The following ARMCX4 variants were observed in gnomAD, a reference collection of about 807,000 sequenced individuals.
ARMCX4 encodes armadillo repeat-containing X-linked protein 4.
Under a neutral mutation model 34.7 loss-of-function variants are expected in ARMCX4, and 3 were observed. That is an observed-to-expected ratio of 0.09 (90% confidence interval 0.04 to 0.22). ARMCX4 has a LOEUF of 0.22. Ranked by LOEUF, ARMCX4 falls within the 10% of genes least tolerant of loss-of-function variation. ARMCX4 has a pLI of 1.00. For missense variants in ARMCX4, 1,448 were observed against 1,720.8 expected (o/e 0.84, Z 2.81); for synonymous variants, 513 against 632.8 (o/e 0.81, Z 2.84).
At chrX:101,433,287 TATAC>T (rs1410510009) in intron 2 of ARMCX4, among the ~76,000 whole-genome samples, 3 of 105,274 alleles carry the variant, frequency 2.8e-5, no homozygotes, top group African/African-American at 3.4e-5. Flanking sequence ...TACGTACACA[TATAC>T]ATATATGTAC....
intron 4 of ARMCX4, among the ~76,000 whole-genome samples, chrX:101,456,447 G>A (rs782445400): frequency 1.3e-4 from 15 of 111,492 alleles, no homozygotes; most frequent in African/African-American, 4.2e-4. Flanking sequence ...TCATCTATTT[G>A]CTGGCCTCAT....
downstream of ARMCX4, among the ~76,000 whole-genome samples, chrX:101,499,945 C>T (rs1380441052): frequency 3.6e-5 from 4 of 111,890 alleles, no homozygotes; most frequent in Non-Finnish European, 7.5e-5. Flanking sequence ...AGCTTTTGAT[C>T]CACAATACAT....
intron 7 of ARMCX4, among the ~76,000 whole-genome samples, chrX:101,504,386 C>T (rs1191965822): frequency 1.8e-5 from 2 of 110,612 alleles, no homozygotes; most frequent in Non-Finnish European, 3.8e-5. Flanking sequence ...GCAGTATGGC[C>T]ATTTTCACGA....
intron 11 of ARMCX4, among the ~76,000 whole-genome samples, chrX:101,531,141 C>A (rs1935120542): frequency 8.9e-6 from 1 of 111,854 alleles, no homozygotes; most frequent in African/African-American, 3.2e-5. Flanking sequence ...TGTTTCACTG[C>A]CTGATTCTAT....
At chrX:101,463,299 G>C (rs1932701849) in intron 4 of ARMCX4, among the ~76,000 whole-genome samples, 1 of 111,164 alleles carries the variant, frequency 9.0e-6, no homozygotes, top group African/African-American at 3.3e-5. Context: ...CCACCCAAGA[G>C]AACTATGCAC....
rs190076141 is a variant in ARMCX4 at position 101,453,052 on chromosome X, G to A, written c.-473+7008G>A. On this transcript the variant is annotated intron_variant and NMD_transcript_variant, in intron 4 of 15. Transcript: ENST00000433011. Reference sequence around the variant, plus strand: ...AGATAAGGAGATGAACAGTTAGAACGGTTAGATAGTTTTTTTTAGGATCAC... The same window carrying A: ...AGATAAGGAGATGAACAGTTAGAACAGTTAGATAGTTTTTTTTAGGATCAC... 1.3e-4 allele frequency among the ~76,000 whole-genome samples: 14 copies of A among 110,202 alleles called. No individual in the cohort carries two copies. The East Asian group carries it at 2.6e-3, about 20-fold the overall frequency.
At chrX:101,418,862 T>A (rs1372061213) in intron 1 of ARMCX4, 2 of 108,669 alleles carry the variant, frequency 1.8e-5, no homozygotes, top group Non-Finnish European at 3.8e-5. Flanking sequence ...AGTTGAGTGT[T>A]GCTTCAGCTT....
intron 2 of ARMCX4, among the ~76,000 whole-genome samples, chrX:101,421,008 G>A (rs1473890400): frequency 9.1e-6 from 1 of 110,460 alleles, no homozygotes. Context: ...GACCAGCCTG[G>A]CCAACCAACA....
Position 101,489,874 on chromosome X carries a change from A to C in ARMCX4, c.1285A>C (p.Lys429Gln). 3.5e-6 allele frequency: 4 copies of C among 1,156,299 alleles called. No homozygotes were observed. Among genetic ancestry groups the C allele is most frequent in the Non-Finnish European group, 4.6e-6 (4 of 873,036 alleles). ...CAGAGGCAATCCCAATGCCATGACT[A>C]AAGCAGGGGCCAAGGCAAACTTGAG... ...KNRGNPNAMT[K>Q]AGAKANLRAN... The change falls in exon 6 of 6, where the codon AAA becomes CAA. Residue 429 changes from lysine (K) to glutamine (Q), a missense_variant. This residue lies in a region of ARMCX4 where 1,343 missense variants were observed against 1,540.7 expected (regional missense o/e 0.87). Coordinates refer to ENST00000423738, the MANE Select transcript of ARMCX4 (RefSeq NM_001256155.3).
At chrX:101,467,183 TC>T (rs1262814644) in intron 4 of ARMCX4, among the ~76,000 whole-genome samples, 1 of 112,352 alleles carries the variant, frequency 8.9e-6, no homozygotes, top group African/African-American at 3.2e-5. Flanking sequence ...AGGGTCTCGC[TC>T]TGTTGTCCAG....
intron 4 of ARMCX4, among the ~76,000 whole-genome samples, chrX:101,476,476 G>A (rs1556004304): frequency 9.0e-6 from 1 of 110,787 alleles, no homozygotes; most frequent in Non-Finnish European, 1.9e-5. Context: ...GAAGCTGCAG[G>A]GATATTTTTA....
chrX:101,436,028 G>C (rs1555994704), intron 2 of ARMCX4, among the ~76,000 whole-genome samples: 1 of 111,756 alleles, frequency 8.9e-6, no homozygotes, highest in Non-Finnish European at 1.9e-5. Flanking sequence ...CCAGTACCAT[G>C]CTGTTTTGGT....
At chrX:101,460,994 T>A (rs868953851) in intron 4 of ARMCX4, among the ~76,000 whole-genome samples, 35 of 112,394 alleles carry the variant, frequency 3.1e-4, no homozygotes, top group Middle Eastern at 4.6e-3. Context: ...ATGCTCTGAT[T>A]TCCCTGGGTG....
chrX:101,500,948 A>G (rs1304238196), intron 7 of ARMCX4, among the ~76,000 whole-genome samples: 4 of 112,324 alleles, frequency 3.6e-5, no homozygotes, highest in Non-Finnish European at 7.5e-5. Flanking sequence ...CACATGCACT[A>G]TGGAGAATGG....
intron 4 of ARMCX4, among the ~76,000 whole-genome samples, chrX:101,458,594 C>A (rs782142033): frequency 1.3e-3 from 137 of 105,936 alleles, no homozygotes; most frequent in Non-Finnish European, 2.3e-3. Context: ...TCAAGCAATT[C>A]TCGTGTCTCA....
chrX:101,453,354 A>G (rs1479584631), intron 4 of ARMCX4, among the ~76,000 whole-genome samples: 1 of 112,280 alleles, frequency 8.9e-6, no homozygotes, highest in Admixed American at 9.5e-5. Context: ...GCTCAGTTTC[A>G]GTAAATTTGA....
chrX:101,442,763 C>T (rs1555997192), intron 2 of ARMCX4, among the ~76,000 whole-genome samples: 1 of 111,145 alleles, frequency 9.0e-6, no homozygotes, highest in Non-Finnish European at 1.9e-5. Flanking sequence ...CATCCTGTCT[C>T]CAGGCCACTG....
chrX:101,464,038 G>T (rs1290028254), intron 4 of ARMCX4, among the ~76,000 whole-genome samples: 1 of 110,224 alleles, frequency 9.1e-6, no homozygotes, highest in Non-Finnish European at 1.9e-5. Context: ...GATTATAGGC[G>T]TGAGCCACCG....
intron 11 of ARMCX4, among the ~76,000 whole-genome samples, chrX:101,529,064 C>T (rs1251127304): frequency 1.8e-5 from 2 of 111,347 alleles, no homozygotes; most frequent in Non-Finnish European, 3.8e-5. Flanking sequence ...GGAGGTATCA[C>T]GCTACCTGAC....
Sources: gnomAD v4.1 joint callset for allele counts (sites outside exome capture counted in the v4.1 genomes callset) on GRCh38, gnomAD v4.1.1 for gene constraint, gnomAD v4.1.1 regional missense constraint, MANE v1.5 for transcripts, NCBI Gene and HGNC (gene_info 2026-07-23, HGNC 2026-07-21) for gene names.